The following GALNT3 variants were observed in gnomAD, a reference collection of about 807,000 sequenced individuals.
GALNT3 encodes the protein polypeptide N-acetylgalactosaminyltransferase 3, also known as GalNAc transferase 3.
A neutral mutation model predicts 69.8 loss-of-function variants in GALNT3; 51 were observed. The observed-to-expected ratio is 0.73, with a 90% CI of 0.58 to 0.92. GALNT3 has a LOEUF of 0.92. Among genes scored for constraint, GALNT3 ranks in the 40% least tolerant of loss-of-function variants. GALNT3 has a pLI of 0.00. For synonymous variants in GALNT3, 265 were observed against 248.5 expected, an observed-to-expected ratio of 1.07 and a Z score of -0.63; for missense variants, 711 against 760.0, an observed-to-expected ratio of 0.94 and a Z score of 0.76.
intron 9 of GALNT3, 133 bp downstream of exon 9, chr2:165,754,494 A>G (rs1169081323): frequency 9.9e-6 from 7 of 709,220 alleles, no homozygotes; most frequent in South Asian, 1.6e-5. Context: ...TCAATTGCCA[A>G]ACTCAGTCTG....
At chr2:165,779,622 A>G (rs1407810166) in intron 1 of GALNT3, among the ~76,000 whole-genome samples, 2 of 152,200 alleles carry the variant, frequency 1.3e-5, no homozygotes, top group African/African-American at 4.8e-5. Context: ...TGGAAAGTTG[A>G]TCTCCAACGG....
At position 165,770,423 on chromosome 2, in the gene GALNT3, C is replaced by T; in HGVS notation, c.278G>A (p.Gly93Asp). ...ATATCCTTGCAAACAAGGTCTCTCA[C>T]CAGCATCAATGTTTTGCCTGACAGG... ...GAPVRQNIDA[G>D]ERPCLQGYYT... Residue 93 changes from glycine (G) to aspartate (D), a missense_variant, in exon 2 of 11, where the codon GGT (glycine) becomes GAT (aspartate). By Grantham distance (94) the Gly-to-Asp change is moderately conservative. Coordinates refer to ENST00000392701, the MANE Select transcript of GALNT3 (RefSeq NM_004482.4). 2 of 1,614,216 alleles carry T rather than the reference C, an allele frequency of 1.2e-6. No individual in the cohort carries two copies. Among genetic ancestry groups the T allele is most frequent in the Non-Finnish European group, 1.7e-6 (2 of 1,180,042 alleles).
intron 1 of GALNT3, among the ~76,000 whole-genome samples, chr2:165,786,512 C>T (rs1476436612): frequency 1.3e-5 from 2 of 152,210 alleles, no homozygotes; most frequent in Non-Finnish European, 2.9e-5. Context: ...CTATGCACAT[C>T]ATCCCAATTA....
chr2:165,762,142 T>A (rs1688563097), intron 3 of GALNT3, 88 bp from the exon 4 acceptor site: 1 of 979,668 alleles, frequency 1.0e-6, no homozygotes, highest in Admixed American at 2.1e-5. Context: ...AGAGCAATGA[T>A]CCTTCCAAAT....
chr2:165,788,319 A>G (rs1159642062), intron 1 of GALNT3, among the ~76,000 whole-genome samples: 25 of 139,282 alleles, frequency 1.8e-4, no homozygotes, highest in African/African-American at 7.1e-4. Flanking sequence ...ATCACCTCAA[A>G]AAAAAAAAAA....
At chr2:165,784,148 T>C (rs994006444) in intron 1 of GALNT3, among the ~76,000 whole-genome samples, 1 of 152,154 alleles carries the variant, frequency 6.6e-6, no homozygotes, top group Non-Finnish European at 1.5e-5. Flanking sequence ...TCAATTACCA[T>C]ACACAGTGAG....
intron 1 of GALNT3, among the ~76,000 whole-genome samples, chr2:165,788,713 C>G (rs1683282090): frequency 6.6e-6 from 1 of 151,128 alleles, no homozygotes; most frequent in Non-Finnish European, 1.5e-5. Flanking sequence ...GCACTCTCTG[C>G]AGTGGGAAGT....
rs1158283152 is a variant in GALNT3, at chr2:165,757,247, C to T, written c.1192G>A (p.Val398Ile). The change falls in exon 7 of 11, where the codon GTA (valine) becomes ATA (isoleucine). Residue 398 changes from valine to isoleucine, a missense_variant and splice_region_variant. Transcript: ENST00000392701. ...TCCAACTGCCCACCACATTGCCATACCTGATAATTAATGATATTTGTTTAA... is the reference window on the plus strand; with the variant it reads ...TCCAACTGCCCACCACATTGCCATATCTGATAATTAATGATATTTGTTTAA... Reference protein sequence around the residue: ...GGENIEMSFRVWQCGGQLEIM... With the variant: ...GGENIEMSFRIWQCGGQLEIM... 1 of 1,612,910 alleles carries T rather than the reference C, an allele frequency of 6.2e-7. No homozygotes were observed. The highest frequency in any genetic ancestry group is 2.2e-5 in the East Asian group (1 of 44,858).
intron 5 of GALNT3, 38 bp from the exon 6 acceptor site, chr2:165,758,902 C>G (rs1042360561): frequency 1.6e-6 from 2 of 1,260,134 alleles, no homozygotes; most frequent in African/African-American, 2.9e-5. Flanking sequence ...GTTATAAAAA[C>G]TAAACAAGAT....
intron 1 of GALNT3, among the ~76,000 whole-genome samples, chr2:165,779,075 C>T (rs1303389966): frequency 2.4e-4 from 36 of 152,110 alleles, no homozygotes; most frequent in Non-Finnish European, 2.9e-5. Context: ...GTGGGGAACA[C>T]CAACTCTAGA....
At chr2:165,750,690 G>C (rs930610518) in intron 9 of GALNT3, among the ~76,000 whole-genome samples, 2 of 152,142 alleles carry the variant, frequency 1.3e-5, no homozygotes, top group Non-Finnish European at 1.5e-5. Context: ...TTGCTTAAGT[G>C]AATCACTACT....
chr2:165,773,121 G>A (rs1006794136), intron 1 of GALNT3, among the ~76,000 whole-genome samples: 5 of 152,144 alleles, frequency 3.3e-5, no homozygotes, highest in Non-Finnish European at 5.9e-5. Context: ...GAGATGAATG[G>A]TGATATGGTT....
chr2:165,787,202 C>T (rs1683241021), intron 1 of GALNT3, among the ~76,000 whole-genome samples: 1 of 152,252 alleles, frequency 6.6e-6, no homozygotes, highest in African/African-American at 2.4e-5. Context: ...AAAGTGGGAG[C>T]TCAAACTGGA....
chr2:165,777,511 T>A (rs553255947), intron 1 of GALNT3, among the ~76,000 whole-genome samples: 1 of 152,334 alleles, frequency 6.6e-6, no homozygotes, highest in South Asian at 2.1e-4. Flanking sequence ...GTGCCCCTCA[T>A]CTACTGGTTA....
In GALNT3 at chr2:165,782,184, T is replaced by G. The variant is rs542414281; in HGVS notation, c.-108-11376A>C. Reference sequence around the variant, plus strand: ...GAGAGTTTCCTCAGGGATATGTTATTACTTCTGATTTACTATCTTTGAAGA... The same window carrying G: ...GAGAGTTTCCTCAGGGATATGTTATGACTTCTGATTTACTATCTTTGAAGA... On this transcript the variant is annotated intron_variant, in intron 1 of 10. Transcript: ENST00000392701. 2.6e-5 allele frequency among the ~76,000 whole-genome samples: 4 copies of G among 152,256 alleles called. No individual in the cohort carries two copies. In the Middle Eastern group the frequency reaches 0.014, roughly 518 times the overall value.
chr2:165,749,734 T>G lies in GALNT3; in HGVS notation c.1779+8A>C. On this transcript the variant is annotated splice_region_variant and intron_variant, in intron 10 of 10. Coordinates refer to ENST00000392701, the MANE Select transcript of GALNT3 (RefSeq NM_004482.4). ...AGTTAAATAGATGAATTAATTGCAC[T>G]GAGGTACCTTCTGGATCTCCCATAT... is the stretch of plus-strand genomic sequence containing the variant. The G allele has an allele frequency of 6.2e-7, 1 of 1,612,544 alleles. No individual in the cohort carries two copies. Among genetic ancestry groups the G allele is most frequent in the Non-Finnish European group, 8.5e-7 (1 of 1,178,618 alleles).
At chr2:165,785,763 C>A (rs1054343943) in intron 1 of GALNT3, among the ~76,000 whole-genome samples, 1 of 152,078 alleles carries the variant, frequency 6.6e-6, no homozygotes, top group African/African-American at 2.4e-5. Context: ...ACAACCACCA[C>A]GGAACAGGCC....
rs768338193 is a variant in GALNT3 at position 165,759,535 on chromosome 2, C to T, written c.874G>A (p.Ala292Thr). ...GCCGTGTAGTTCTCAGCTATTCTGG[C>T]CAACAGAGGTTCTAGCCAACCATAG... ...CFYGWLEPLL[A>T]RIAENYTAVV... is the part of the protein sequence containing the mutation. The change falls in exon 5 of 11, where the codon GCC (alanine) becomes ACC (threonine). Residue 292 changes from alanine (A) to threonine (T), a missense_variant. Transcript: ENST00000392701. 5 of 1,613,708 alleles carry T rather than the reference C, an allele frequency of 3.1e-6. No homozygotes were observed. In the South Asian group the frequency reaches 3.3e-5, roughly 11 times the overall value.
chr2:165,753,652 G>A (rs1433887272), intron 9 of GALNT3, among the ~76,000 whole-genome samples: 3 of 152,068 alleles, frequency 2.0e-5, no homozygotes, highest in Non-Finnish European at 2.9e-5. Context: ...AATCTTTCCA[G>A]GAGTTAAGCT....
Sources: allele counts gnomAD v4.1 joint callset (sites outside exome capture counted in the v4.1 genomes callset), GRCh38; gene constraint gnomAD v4.1.1; transcripts MANE v1.5; gene names NCBI Gene and HGNC (gene_info 2026-07-23, HGNC 2026-07-21).